The following ZNF831 variants were observed in gnomAD, a reference collection of about 807,000 sequenced individuals.
ZNF831 encodes zinc finger protein 831.
ZNF831 carries 59 observed loss-of-function variants against 95.8 expected under a neutral mutation model. That is an observed-to-expected ratio of 0.62 (90% CI 0.50 to 0.77). The LOEUF (loss-of-function observed/expected upper bound fraction) is 0.77. Among genes scored for constraint, ZNF831 ranks in the 30% least tolerant of loss-of-function variants. ZNF831 has a pLI of 0.00. For missense variants in ZNF831, 2,205 were observed against 2,164.0 expected (o/e 1.02, Z -0.38); for synonymous variants, 961 against 925.5 (o/e 1.04, Z -0.70).
At chr20:59,160,808 T>C (rs2146471677), upstream of ZNF831, 1 of 151,954 alleles carries the variant, frequency 6.6e-6, no homozygotes, top group Middle Eastern at 3.4e-3. Flanking sequence ...CTGCTTTTTT[T>C]TTTTTTTTCT....
chr20:59,139,791 C>A (rs1979619097), intron 1 of ZNF831, among the ~76,000 whole-genome samples: 1 of 152,228 alleles, frequency 6.6e-6, no homozygotes, highest in Middle Eastern at 3.4e-3. Flanking sequence ...TTTATGGATT[C>A]TTTGAAGAAA....
intron 1 of ZNF831, among the ~76,000 whole-genome samples, chr20:59,135,212 T>C (rs1979464336): frequency 6.6e-6 from 1 of 152,210 alleles, no homozygotes; most frequent in African/African-American, 2.4e-5. Flanking sequence ...CCATTTATTA[T>C]CTCACAATCT....
rs749137895 is a variant in ZNF831, at chr20:59,194,265, C to A, written c.3246C>A (p.Ser1082Arg). 8.1e-6 allele frequency: 13 copies of A among 1,614,050 alleles called. No individual in the cohort carries two copies. Among genetic ancestry groups the A allele is most frequent in the Non-Finnish European group, 1.1e-5 (13 of 1,180,010 alleles). Reference sequence around the variant, plus strand: ...GTATCCATCGCCTCTGCATGGGCAGCACTTTGGCAAGGGCCAGGCTCTCTG... The same window carrying A: ...GTATCCATCGCCTCTGCATGGGCAGAACTTTGGCAAGGGCCAGGCTCTCTG... ...SHRIHRLCMG[S>R]TLARARLSGD... Residue 1082 changes from serine to arginine, a missense_variant, in exon 2 of 6, where the codon AGC (serine) becomes AGA (arginine). Ser to Arg is a moderately radical substitution (Grantham distance 110). Coordinates refer to ENST00000371030, the MANE Select transcript of ZNF831 (RefSeq NM_178457.3).
At position 59,191,905 on chromosome 20, in the gene ZNF831, C is replaced by G. The variant is rs762005721; in HGVS notation, c.886C>G (p.Gln296Glu). 2 of 1,612,664 alleles carry G rather than the reference C, an allele frequency of 1.2e-6. No homozygotes were observed. Among genetic ancestry groups the G allele is most frequent in the Non-Finnish European group, 1.7e-6 (2 of 1,179,932 alleles). The change falls in exon 2 of 6, where the codon CAA (glutamine) becomes GAA (glutamate). Residue 296 changes from glutamine (Q) to glutamate (E), a missense_variant. Transcript: ENST00000371030. The stretch of plus-strand genomic sequence containing the variant: ...ACCTGGGCTCCCAGCGGCCAGCACA[C>G]AACCCTGGCGTAAGTTGCCAGAGCA... ...ASPGLPAAST[Q>E]PWRKLPEQKS...
intron 4 of ZNF831, among the ~76,000 whole-genome samples, chr20:59,211,305 C>T (rs1375291617): frequency 6.6e-6 from 1 of 152,142 alleles, no homozygotes; most frequent in African/African-American, 2.4e-5. Context: ...TTTCAAAGGC[C>T]CTCCTCTCCA....
chr20:59,172,607 C>T (rs375822149), intron 1 of ZNF831, among the ~76,000 whole-genome samples: 1 of 152,214 alleles, frequency 6.6e-6, no homozygotes, highest in Non-Finnish European at 1.5e-5. Context: ...TTTAGAGCCC[C>T]TCCTCTGTGT....
intron 1 of ZNF831, among the ~76,000 whole-genome samples, chr20:59,176,128 G>A (rs894713748): frequency 6.6e-6 from 1 of 152,192 alleles, no homozygotes; most frequent in African/African-American, 2.4e-5. Flanking sequence ...CGTAAAACAG[G>A]ACTTGGCAAG....
At position 59,192,630 on chromosome 20, in the gene ZNF831, C is replaced by T. The variant is rs914179430; in HGVS notation, c.1611C>T (p.Pro537=). 12 of 1,498,002 alleles carry T rather than the reference C, an allele frequency of 8.0e-6. No homozygotes were observed. Among genetic ancestry groups the T allele is most frequent in the African/African-American group, 4.2e-5 (3 of 71,300 alleles). The allele number at this position is 1,498,002 out of a possible 1,614,324, so 92.8% of individuals were successfully genotyped here. Residue 537 remains proline (P), a synonymous_variant, in exon 2 of 6, where the codon CCC becomes CCT. Transcript: ENST00000371030. The surrounding 1 kb of genome is among the most constrained non-coding windows in gnomAD (Gnocchi z 5.2). ...SRTQKPLSPR[P]GPARLGCRSG... ...CGCAGAAGCCTCTGAGCCCCAGGCCCGGCCCAGCCCGCCTGGGCTGCCGCT... is the reference window on the plus strand; with the variant it reads ...CGCAGAAGCCTCTGAGCCCCAGGCCTGGCCCAGCCCGCCTGGGCTGCCGCT...
At position 59,194,126 on chromosome 20, in the gene ZNF831, C is replaced by T. The variant is rs369159047; in HGVS notation, c.3107C>T (p.Ala1036Val). The change falls in exon 2 of 6, where the codon GCA becomes GTA. Residue 1036 changes from alanine (A) to valine (V), a missense_variant. Ala to Val is a moderately conservative substitution (Grantham distance 64). Transcript: ENST00000371030. ...GACAGGATGGCCACTAGCAGGCCAG[C>T]AGCCAGGGAGTTGCCCATCTCAGCA... The part of the protein sequence containing the change: ...KGDRMATSRP[A>V]ARELPISAPG... 4.6e-5 allele frequency: 71 copies of T among 1,560,324 alleles called. No individual in the cohort carries two copies. Among genetic ancestry groups the T allele is most frequent in the Non-Finnish European group, 6.0e-5 (69 of 1,152,614 alleles).
At chr20:59,225,058 T>A (rs1425673127) in intron 4 of ZNF831, among the ~76,000 whole-genome samples, 1 of 152,196 alleles carries the variant, frequency 6.6e-6, no homozygotes, top group Non-Finnish European at 1.5e-5. Flanking sequence ...CTATATCTGT[T>A]GTGTTCCATT....
At chr20:59,198,367 G>C (rs1475287869) in intron 3 of ZNF831, among the ~76,000 whole-genome samples, 2 of 152,232 alleles carry the variant, frequency 1.3e-5, no homozygotes, top group Non-Finnish European at 2.9e-5. Flanking sequence ...TGAAGACACT[G>C]GGCCTGCCTC....
Position 59,191,946 on chromosome 20 carries a change from C to T in ZNF831, c.927C>T (p.Ala309=), listed in dbSNP as rs1420606326. ...RKLPEQKSPT[A]GKPCALQRQQ... The stretch of plus-strand genomic sequence containing the variant: ...TGCCAGAGCAGAAGTCGCCGACCGC[C>T]GGGAAGCCGTGCGCCCTGCAGCGGC... The change falls in exon 2 of 6, where the codon GCC becomes GCT. Residue 309 remains alanine, a synonymous_variant. Coordinates refer to ENST00000371030, the MANE Select transcript of ZNF831 (RefSeq NM_178457.3). The T allele has an allele frequency of 2.1e-5, 33 of 1,608,882 alleles. No homozygotes were observed. In the East Asian group the frequency reaches 7.4e-4, roughly 36 times the overall value.
rs75136099 is a variant in ZNF831, at chr20:59,144,787, C to T, written c.-1424-1444C>T. On this transcript the variant is annotated intron_variant, in intron 1 of 7. Transcript: ENST00000637017. ...CACTGCCAACATAAGTGCGTCTTTT[C>T]AGCAAATGTGTCTTCTGGAGTTGAT... 9.8e-3 allele frequency among the ~76,000 whole-genome samples: 1,495 copies of T among 152,314 alleles called. 22 individuals carry two copies. The highest frequency in any genetic ancestry group is 0.015 in the South Asian group (72 of 4,828).
intron 1 of ZNF831, among the ~76,000 whole-genome samples, chr20:59,170,573 C>T (rs1325910929): frequency 6.6e-6 from 1 of 152,136 alleles, no homozygotes; most frequent in African/African-American, 2.4e-5. Context: ...CTTGATGTAG[C>T]AGTCTGGGTC....
intron 3 of ZNF831, among the ~76,000 whole-genome samples, chr20:59,203,402 C>T (rs1984665106): frequency 6.6e-6 from 1 of 152,200 alleles, no homozygotes; most frequent in Non-Finnish European, 1.5e-5. Flanking sequence ...ACCACAGCCT[C>T]ACACTCCTGG....
intron 1 of ZNF831, among the ~76,000 whole-genome samples, chr20:59,171,439 A>G (rs530077121): frequency 6.6e-6 from 1 of 152,360 alleles, no homozygotes; most frequent in South Asian, 2.1e-4. Context: ...CTTTACATGC[A>G]TGTGAACTTT....
Position 59,154,083 on chromosome 20 carries a change from C to T in ZNF831, c.-1280-5569C>T, listed in dbSNP as rs191765047. 9.2e-4 allele frequency among the ~76,000 whole-genome samples: 140 copies of T among 152,264 alleles called. 2 individuals carry two copies. The East Asian group carries it at 0.022, about 24-fold the overall frequency. On this transcript the variant is annotated intron_variant, in intron 2 of 7. Transcript: ENST00000637017. ...AAGTGCAGCTCTCACTTTTGAAGAT[C>T]TTAGAGTCCAGAGAGCTAAGCTAAA...
At chr20:59,199,788 A>T (rs1321425309) in intron 3 of ZNF831, among the ~76,000 whole-genome samples, 1 of 152,040 alleles carries the variant, frequency 6.6e-6, no homozygotes, top group Non-Finnish European at 1.5e-5. Context: ...ATTTATATGT[A>T]CCCACATAAT....
intron 4 of ZNF831, among the ~76,000 whole-genome samples, chr20:59,240,130 C>G: frequency 6.6e-6 from 1 of 151,376 alleles, no homozygotes; most frequent in East Asian, 1.9e-4. Flanking sequence ...CCACCTACCC[C>G]CACAGTCCCC....
Sources: allele counts gnomAD v4.1 joint callset (sites outside exome capture counted in the v4.1 genomes callset), GRCh38; gene constraint gnomAD v4.1.1; non-coding constraint Gnocchi (gnomAD v3.1); transcripts MANE v1.5; gene names NCBI Gene and HGNC (gene_info 2026-07-23, HGNC 2026-07-21).